MLLT3: variants seen among roughly 807,000 people sequenced by gnomAD.
MLLT3 encodes the protein MLLT3 super elongation complex subunit.
A neutral mutation model predicts 53.2 loss-of-function variants in MLLT3; 4 were observed. The ratio of observed to expected loss-of-function variants is 0.08; its 90% CI spans 0.04 to 0.17. The LOEUF (loss-of-function observed/expected upper bound fraction) is 0.17. Ranked by LOEUF, MLLT3 falls within the 10% of genes least tolerant of loss-of-function variation. The pLI, the probability that MLLT3 is intolerant of heterozygous loss-of-function variation, is 1.00. For missense variants in MLLT3, 569 were observed against 684.0 expected, an observed-to-expected ratio of 0.83 and a Z score of 1.87; for synonymous variants, 283 against 230.6, an observed-to-expected ratio of 1.23 and a Z score of -2.06.
chr9:20,473,354 G>A (rs1167576457), intron 2 of MLLT3, among the ~76,000 whole-genome samples: 1 of 151,910 alleles, frequency 6.6e-6, no homozygotes, highest in Non-Finnish European at 1.5e-5. Flanking sequence ...TTCCTTTTCT[G>A]TATAACATTA....
chr9:20,398,060 T>C (rs1329400026), intron 5 of MLLT3, among the ~76,000 whole-genome samples: 1 of 152,126 alleles, frequency 6.6e-6, no homozygotes, highest in Non-Finnish European at 1.5e-5. Context: ...ATCTTTTGCA[T>C]TTTTTCATTC....
intron 2 of MLLT3, among the ~76,000 whole-genome samples, chr9:20,504,350 T>C (rs1389541504): frequency 6.7e-6 from 1 of 148,980 alleles, no homozygotes; most frequent in Non-Finnish European, 1.5e-5. Context: ...CCCAATGGAA[T>C]TGTGTGTGTG....
At chr9:20,546,658 G>C (rs1818796604) in intron 2 of MLLT3, among the ~76,000 whole-genome samples, 1 of 152,296 alleles carries the variant, frequency 6.6e-6, no homozygotes, top group Admixed American at 6.5e-5. Flanking sequence ...AGATGCACCT[G>C]AATGTGCATT....
At chr9:20,453,181 G>A (rs1823878352) in intron 3 of MLLT3, among the ~76,000 whole-genome samples, 1 of 152,070 alleles carries the variant, frequency 6.6e-6, no homozygotes, top group Non-Finnish European at 1.5e-5. Flanking sequence ...GTAACATATA[G>A]AAAAGTACTT....
intron 2 of MLLT3, among the ~76,000 whole-genome samples, chr9:20,472,908 C>CAA (rs11436085): frequency 2.6e-4 from 35 of 136,912 alleles, no homozygotes; most frequent in Middle Eastern, 3.7e-3. Flanking sequence ...ACTATGCTAA[C>CAA]AAAAAAAAAA....
chr9:20,484,107 A>G (rs536397760), intron 2 of MLLT3, among the ~76,000 whole-genome samples: 22 of 152,178 alleles, frequency 1.4e-4, no homozygotes, highest in Admixed American at 1.3e-3. Context: ...CAATAGTGAT[A>G]TAACTACAGG....
intron 2 of MLLT3, among the ~76,000 whole-genome samples, chr9:20,594,973 G>C (rs954974966): frequency 6.6e-6 from 1 of 152,042 alleles, no homozygotes; most frequent in African/African-American, 2.4e-5. Context: ...CCAAACAGCA[G>C]CTCATACTGC....
intron 2 of MLLT3, among the ~76,000 whole-genome samples, chr9:20,592,333 C>A (rs1293765987): frequency 1.9e-4 from 29 of 152,156 alleles, no homozygotes; most frequent in Admixed American, 1.9e-3. Context: ...GTGGCTTAAG[C>A]AACAGGAATT....
chr9:20,588,882 G>A (rs1820050406), intron 2 of MLLT3, among the ~76,000 whole-genome samples: 1 of 151,818 alleles, frequency 6.6e-6, no homozygotes, highest in South Asian at 2.1e-4. Context: ...AAACCACAAT[G>A]AGATACCATC....
At chr9:20,485,494 AAT>A (rs1465260403) in intron 2 of MLLT3, among the ~76,000 whole-genome samples, 1 of 152,248 alleles carries the variant, frequency 6.6e-6, no homozygotes, top group Non-Finnish European at 1.5e-5. Flanking sequence ...AAACCTAAAC[AAT>A]ATATCTTATT....
chr9:20,377,628 T>C (rs527978123), intron 5 of MLLT3, among the ~76,000 whole-genome samples: 9 of 152,274 alleles, frequency 5.9e-5, no homozygotes, highest in East Asian at 1.9e-4. Context: ...AAGCATTTGA[T>C]TGACACCAAT....
intron 2 of MLLT3, among the ~76,000 whole-genome samples, chr9:20,614,555 A>T (rs1025535707): frequency 6.6e-6 from 1 of 152,234 alleles, no homozygotes; most frequent in Non-Finnish European, 1.5e-5. Context: ...GATGTCTAAC[A>T]AATATTAACT....
intron 2 of MLLT3, among the ~76,000 whole-genome samples, chr9:20,541,176 T>A (rs906396826): frequency 6.6e-6 from 1 of 152,212 alleles, no homozygotes; most frequent in African/African-American, 2.4e-5. Flanking sequence ...ACTGTCCATA[T>A]CACTATCAAC....
chr9:20,571,552 T>C (rs918614000), intron 2 of MLLT3, among the ~76,000 whole-genome samples: 3 of 152,202 alleles, frequency 2.0e-5, no homozygotes, highest in Admixed American at 1.3e-4. Flanking sequence ...CAACCCATCT[T>C]CTACATTAGG....
chr9:20,606,065 T>C (rs1469208219), intron 2 of MLLT3, among the ~76,000 whole-genome samples: 3 of 152,130 alleles, frequency 2.0e-5, no homozygotes, highest in Non-Finnish European at 2.9e-5. Flanking sequence ...ATTAAATAAA[T>C]TAGTTTGCAA....
At chr9:20,479,207 T>G (rs549752774) in intron 2 of MLLT3, among the ~76,000 whole-genome samples, 1 of 152,186 alleles carries the variant, frequency 6.6e-6, no homozygotes, top group Admixed American at 6.5e-5. Context: ...GGTTTGTTTT[T>G]GTTTTTGTTG....
chr9:20,582,440 T>C (rs1258935432), intron 2 of MLLT3, among the ~76,000 whole-genome samples: 2 of 152,184 alleles, frequency 1.3e-5, no homozygotes, highest in Non-Finnish European at 2.9e-5. Flanking sequence ...AACTTTTTAT[T>C]GTTTTCATAG....
chr9:20,384,490 C>A (rs1298116974), intron 5 of MLLT3, among the ~76,000 whole-genome samples: 2 of 152,074 alleles, frequency 1.3e-5, no homozygotes, highest in African/African-American at 4.8e-5. Context: ...TTAATGTACT[C>A]ATTTCCTAAG....
chr9:20,527,617 A>G (rs1587028643), intron 2 of MLLT3, among the ~76,000 whole-genome samples: 1 of 152,194 alleles, frequency 6.6e-6, no homozygotes, highest in Non-Finnish European at 1.5e-5. Flanking sequence ...AACAGTCTGT[A>G]TCTCAACAAG....
Sources: allele counts gnomAD v4.1 joint callset (sites outside exome capture counted in the v4.1 genomes callset), GRCh38; gene constraint gnomAD v4.1.1; transcripts MANE v1.5; gene names NCBI Gene and HGNC (gene_info 2026-07-23, HGNC 2026-07-21).